Variants in BIRC6 observed in about 807,000 individuals in gnomAD.
BIRC6 encodes the protein dual E2 ubiquitin-conjugating enzyme/E3 ubiquitin-protein ligase BIRC6.
A neutral mutation model predicts 503.3 loss-of-function variants in BIRC6; 98 were observed. The ratio of observed to expected loss-of-function variants is 0.19; its 90% CI spans 0.17 to 0.23. The LOEUF (loss-of-function observed/expected upper bound fraction) is 0.23, where lower values mean the gene tolerates loss of function less well. BIRC6 is among the 10% of genes least tolerant of loss of function. The pLI, the probability that BIRC6 is intolerant of heterozygous loss-of-function variation, is 1.00. For synonymous variants in BIRC6, 2,240 were observed against 2,078.7 expected (o/e 1.08, Z -2.11); for missense variants, 5,360 against 5,806.0 (o/e 0.92, Z 2.50).
chr2:32,556,464 T>C (rs1225126737), intron 65 of BIRC6, among the ~76,000 whole-genome samples: 1 of 152,198 alleles, frequency 6.6e-6, no homozygotes, highest in Non-Finnish European at 1.5e-5. Context: ...AGTCCAGCTA[T>C]TAAGAAAAGC....
At chr2:32,611,168 C>T (rs959909998) in intron 72 of BIRC6, among the ~76,000 whole-genome samples, 3 of 150,086 alleles carry the variant, frequency 2.0e-5, no homozygotes, top group Non-Finnish European at 4.4e-5. Flanking sequence ...TGCAGTGGCG[C>T]GACCTTGGCT....
chr2:32,383,289 C>T (rs1373756350), intron 3 of BIRC6, among the ~76,000 whole-genome samples: 3 of 152,114 alleles, frequency 2.0e-5, no homozygotes, highest in Admixed American at 2.0e-4. Flanking sequence ...GTGATCTGCC[C>T]ACCTTGGCCT....
Position 32,468,103 on chromosome 2 carries a change from A to T in BIRC6, c.5772A>T (p.Ile1924=), listed in dbSNP as rs745371354. 6.2e-7 allele frequency: 1 copy of T among 1,613,852 alleles called. No homozygotes were observed. Among genetic ancestry groups the T allele is most frequent in the Non-Finnish European group, 8.5e-7 (1 of 1,179,814 alleles). Residue 1924 remains isoleucine, a synonymous_variant, in exon 28 of 74, where the codon ATA becomes ATT. Transcript: ENST00000421745. ...LAMMVALQED[I]QCRYNLACHR... Reference sequence around the variant, plus strand: ...TGATGGTTGCTTTGCAGGAGGATATACAGTGCAGGTTAGTACAGAGTGCAA... The same window carrying T: ...TGATGGTTGCTTTGCAGGAGGATATTCAGTGCAGGTTAGTACAGAGTGCAA...
At chr2:32,521,735 C>T (rs2055742940) in intron 57 of BIRC6, among the ~76,000 whole-genome samples, 1 of 151,762 alleles carries the variant, frequency 6.6e-6, no homozygotes, top group Non-Finnish European at 1.5e-5. Flanking sequence ...CTTCCTCGGC[C>T]TCCCAAAGTG....
intron 64 of BIRC6, among the ~76,000 whole-genome samples, chr2:32,548,315 CTTT>C (rs112188615): frequency 2.5e-5 from 3 of 118,604 alleles, no homozygotes; most frequent in Non-Finnish European, 3.4e-5. Flanking sequence ...TGTATCTGGC[CTTT>C]TTTTTTTTTT....
At chr2:32,588,100 C>T (rs1356452121) in intron 66 of BIRC6, among the ~76,000 whole-genome samples, 1 of 152,172 alleles carries the variant, frequency 6.6e-6, no homozygotes, top group Non-Finnish European at 1.5e-5. Flanking sequence ...TGGCTCACGC[C>T]TGTAATCCCA....
intron 1 of BIRC6, among the ~76,000 whole-genome samples, chr2:32,376,279 C>T (rs2036769734): frequency 6.6e-6 from 1 of 151,956 alleles, no homozygotes; most frequent in Non-Finnish European, 1.5e-5. Flanking sequence ...GAACTGCTCA[C>T]CTGGATATGA....
chr2:32,415,559 C>T lies in BIRC6; in HGVS notation c.2268C>T (p.Ser756=), dbSNP rs750917605. Residue 756 remains serine, a synonymous_variant, in exon 10 of 74, where the codon TCC becomes TCT. Transcript: ENST00000421745. ...LVGLRTCPVE[S]LSAINQVEAL... ...GACTGCGGACATGCCCTGTTGAATC[C>T]TTGAGTGCAATAAATCAAGTAGAGG... is the stretch of plus-strand genomic sequence containing the variant. The T allele has an allele frequency of 1.2e-6, 2 of 1,613,934 alleles. No individual in the cohort carries two copies. The highest frequency in any genetic ancestry group is 1.1e-5 in the South Asian group (1 of 91,076).
intron 29 of BIRC6, 149 bp from the exon 30 acceptor site, chr2:32,469,246 A>G (rs765821113): frequency 9.4e-6 from 6 of 640,906 alleles, no homozygotes; most frequent in East Asian, 2.8e-5. Context: ...ACAGATTTCT[A>G]CATACAAGGA....
chr2:32,495,988 C>T (rs1384159404), intron 45 of BIRC6, among the ~76,000 whole-genome samples: 2 of 150,978 alleles, frequency 1.3e-5, no homozygotes, highest in Non-Finnish European at 3.0e-5. Flanking sequence ...CAGGTGCCTG[C>T]CATCACGCCC....
In BIRC6 at chr2:32,509,820, A is replaced by G. The variant is rs1412801038; in HGVS notation, c.10063A>G (p.Thr3355Ala). 1.9e-6 allele frequency: 3 copies of G among 1,613,900 alleles called. No homozygotes were observed. The highest frequency in any genetic ancestry group is 2.2e-5 in the East Asian group (1 of 44,896). Residue 3355 changes from threonine (T) to alanine (A), a missense_variant, in exon 52 of 74, where the codon ACT (threonine) becomes GCT (alanine). Physicochemically the swap from Thr to Ala is moderately conservative, Grantham distance 58. Transcript: ENST00000421745. Reference protein sequence around the residue: ...EGMMASAAAPTANLLQTCAAL... With the variant: ...EGMMASAAAPAANLLQTCAAL... ...AATGATGGCAAGTGCAGCTGCACCT[A>G]CTGCTAATCTGCTGCAGACTTGTGC...
chr2:32,432,293 G>A (rs2044213157), intron 12 of BIRC6, among the ~76,000 whole-genome samples: 1 of 152,166 alleles, frequency 6.6e-6, no homozygotes, highest in Admixed American at 6.5e-5. Flanking sequence ...GTGCACACCT[G>A]TAATCCCAGC....
In BIRC6 at chr2:32,573,485, C is replaced by T. The variant is rs542364774; in HGVS notation, c.13145-1671C>T. Among the ~76,000 whole-genome samples the T allele has an allele frequency of 8.5e-5, 13 of 152,228 alleles. No homozygotes were observed. The South Asian group carries it at 2.1e-3, about 24-fold the overall frequency. ...TGGTGAAATTGCAGGTGTGAGTCAC[C>T]GCGCCCTGCCAGTAAATGTTTATGG... On this transcript the variant is annotated intron_variant, in intron 65 of 73. Coordinates refer to ENST00000421745, the MANE Select transcript of BIRC6 (RefSeq NM_016252.4).
At position 32,518,412 on chromosome 2, in the gene BIRC6, C is replaced by A. The variant is rs192659133; in HGVS notation, c.11493+15C>A. ...CTCCATGTCCAGTGAGTATTTAACA[C>A]TTAATCATTGGCTGTGTATACATGT... On this transcript the variant is annotated intron_variant, in intron 56 of 73. Transcript: ENST00000421745. The A allele has an allele frequency of 1.3e-6, 2 of 1,597,930 alleles. No homozygotes were observed. The highest frequency in any genetic ancestry group is 3.6e-5 in the Admixed American group (2 of 54,854).
chr2:32,518,715 G>A, intron 56 of BIRC6, 102 bp from the exon 57 acceptor site: 1 of 1,319,766 alleles, frequency 7.6e-7, no homozygotes, highest in East Asian at 2.5e-5. Flanking sequence ...TATCTTGTAG[G>A]ATTTATTGAG....
chr2:32,596,442 C>A (rs950532084), intron 68 of BIRC6, among the ~76,000 whole-genome samples: 2 of 138,290 alleles, frequency 1.4e-5, no homozygotes, highest in Non-Finnish European at 3.0e-5. Flanking sequence ...ACACTCCAGT[C>A]TGGGCGACAG....
intron 9 of BIRC6, among the ~76,000 whole-genome samples, chr2:32,411,331 G>A (rs550953848): frequency 1.2e-4 from 18 of 151,362 alleles, no homozygotes; most frequent in African/African-American, 3.9e-4. Context: ...GAGCCTCCAC[G>A]CCCAGCCTTG....
At chr2:32,455,379 CAAAAAAAAA>C in intron 23 of BIRC6, among the ~76,000 whole-genome samples, 1 of 88,726 alleles carries the variant, frequency 1.1e-5, no homozygotes, top group African/African-American at 4.3e-5. Context: ...ACTCTGTCTC[CAAAAAAAAA>C]AAAAAAAAAA....
At chr2:32,368,843 G>C (rs2035357700) in intron 1 of BIRC6, among the ~76,000 whole-genome samples, 1 of 152,112 alleles carries the variant, frequency 6.6e-6, no homozygotes, top group Admixed American at 6.6e-5. Context: ...ATAGAGACAA[G>C]GTTTCACCAT....
Sources: allele counts gnomAD v4.1 joint callset (sites outside exome capture counted in the v4.1 genomes callset), GRCh38; gene constraint gnomAD v4.1.1; transcripts MANE v1.5; gene names NCBI Gene and HGNC (gene_info 2026-07-23, HGNC 2026-07-21).